KNDC1: variants seen among roughly 807,000 people sequenced by gnomAD.
KNDC1 encodes the protein kinase non-catalytic C-lobe domain containing 1.
Under a neutral mutation model 172.8 loss-of-function variants are expected in KNDC1, and 106 were observed. That is an observed-to-expected ratio of 0.61 (90% CI 0.52 to 0.72). The LOEUF is 0.72. Ranked by LOEUF, KNDC1 falls within the 30% of genes least tolerant of loss-of-function variation. KNDC1 has a pLI of 0.00. For synonymous variants in KNDC1, 1,083 were observed against 1,062.2 expected, an observed-to-expected ratio of 1.02 and a Z score of -0.38; for missense variants, 2,325 against 2,394.5, an observed-to-expected ratio of 0.97 and a Z score of 0.61.
chr10:133,213,219 G>A (rs912346609), intron 24 of KNDC1, among the ~76,000 whole-genome samples: 5 of 152,236 alleles, frequency 3.3e-5, no homozygotes, highest in Admixed American at 6.5e-5. Flanking sequence ...CCTGAGGGCC[G>A]CATGGGGCGC....
At position 133,198,918 on chromosome 10, in the gene KNDC1, C is replaced by T. The variant is rs1018223815; in HGVS notation, c.2410C>T (p.Pro804Ser). ...VEQGPAEPIP[P>S]GVASGGLRPD... is the part of the protein sequence containing the mutation. ...GCAAGGGCCGGCTGAGCCGATCCCA[C>T]CTGGAGTTGCTTCCGGGGGCCTCAG... Residue 804 changes from proline to serine, a missense_variant, in exon 14 of 30, where the codon CCT (proline) becomes TCT (serine). Physicochemically the swap from Pro to Ser is moderately conservative, Grantham distance 74. Coordinates refer to ENST00000304613, the MANE Select transcript of KNDC1 (RefSeq NM_152643.8). 6.3e-7 allele frequency: 1 copy of T among 1,578,286 alleles called. No homozygotes were observed. The highest frequency in any genetic ancestry group is 8.6e-7 in the Non-Finnish European group (1 of 1,166,886).
In KNDC1 at chr10:133,199,072, G is replaced by A. The variant is rs1306928205; in HGVS notation, c.2564G>A (p.Arg855His). The change falls in exon 14 of 30, where the codon CGT becomes CAT. Residue 855 changes from arginine to histidine, a missense_variant. Transcript: ENST00000304613. ...EGPGATPAGE[R>H]DDQSPDSVPE... ...CCCGGGGCCACCCCTGCCGGGGAAC[G>A]TGATGACCAGAGTCCAGACAGTGTC... is the stretch of plus-strand genomic sequence containing the variant. The A allele has an allele frequency of 3.7e-6, 6 of 1,606,028 alleles. No individual in the cohort carries two copies. The highest frequency in any genetic ancestry group is 2.2e-5 in the East Asian group (1 of 44,514).
intron 3 of KNDC1, among the ~76,000 whole-genome samples, chr10:133,182,816 G>A (rs749956886): frequency 5.8e-4 from 88 of 152,234 alleles, no homozygotes; most frequent in Non-Finnish European, 1.1e-3. Context: ...GCCCAACTGC[G>A]CGGGCGGCGA....
chr10:133,210,354 G>A (rs1329574097), intron 20 of KNDC1, among the ~76,000 whole-genome samples: 4 of 110,164 alleles, frequency 3.6e-5, no homozygotes, highest in African/African-American at 1.0e-4. Context: ...CGACAAGAGC[G>A]AAACTCTGCC....
In KNDC1 at chr10:133,200,460, G is replaced by C; in HGVS notation, c.2989G>C (p.Gly997Arg). The stretch of plus-strand genomic sequence containing the variant: ...CAAGAGGCCGTCGCTGCACCGCCTG[G>C]GTAAGTGCTGGGCGGGCCCCGCGGC... ...SSKRPSLHRL[G>R]KEKPAMARTS... is the part of the protein sequence containing the mutation. The change falls in exon 16 of 30, where the codon GGA (glycine) becomes CGA (arginine). Residue 997 changes from glycine (G) to arginine (R), a missense_variant and splice_region_variant. Transcript: ENST00000304613. 1 of 1,569,432 alleles carries C rather than the reference G, an allele frequency of 6.4e-7. No individual in the cohort carries two copies. The highest frequency in any genetic ancestry group is 8.6e-7 in the Non-Finnish European group (1 of 1,159,498).
intron 6 of KNDC1, among the ~76,000 whole-genome samples, chr10:133,188,200 C>T (rs906760901): frequency 2.0e-5 from 3 of 152,184 alleles, no homozygotes; most frequent in Non-Finnish European, 4.4e-5. Context: ...TGCACGTATG[C>T]GTGAGCCCTG....
Position 133,199,015 on chromosome 10 carries a change from C to T in KNDC1, c.2507C>T (p.Ala836Val), listed in dbSNP as rs762617426. Residue 836 changes from alanine (A) to valine (V), a missense_variant, in exon 14 of 30, where the codon GCC becomes GTC. Coordinates refer to ENST00000304613, the MANE Select transcript of KNDC1 (RefSeq NM_152643.8). ...RHPPKPPRSKATERPGQEPEG... is the reference protein window; with the variant it reads ...RHPPKPPRSKVTERPGQEPEG... ...CCGCCCAAGCCCCCACGAAGCAAGG[C>T]CACCGAGCGCCCGGGCCAGGAGCCA... The T allele has an allele frequency of 3.2e-6, 5 of 1,565,612 alleles. No homozygotes were observed.
intron 3 of KNDC1, 113 bp from the exon 4 acceptor site, chr10:133,183,231 A>C: frequency 7.8e-7 from 1 of 1,282,858 alleles, no homozygotes; most frequent in East Asian, 2.6e-5. Flanking sequence ...GCTTCCCCTC[A>C]GGGGAATCTC....
At chr10:133,217,747 A>G (rs1490256890) in intron 26 of KNDC1, among the ~76,000 whole-genome samples, 1 of 152,064 alleles carries the variant, frequency 6.6e-6, no homozygotes, top group African/African-American at 2.4e-5. Context: ...TCATGAGGTC[A>G]GGAGTTCGAG....
At chr10:133,172,977 T>G (rs1268378870) in intron 3 of KNDC1, among the ~76,000 whole-genome samples, 2 of 152,210 alleles carry the variant, frequency 1.3e-5, no homozygotes, top group Non-Finnish European at 2.9e-5. Context: ...CACTCCAGCC[T>G]GAGCAGCAGA....
chr10:133,167,102 G>A (rs1853187555), intron 1 of KNDC1: 6 of 498,104 alleles, frequency 1.2e-5, no homozygotes, highest in East Asian at 3.5e-5. Context: ...AGCTCTGGCC[G>A]AGCCTCCGGG....
At chr10:133,183,519 G>T in intron 4 of KNDC1, 29 bp downstream of exon 4, 1 of 1,579,370 alleles carries the variant, frequency 6.3e-7, no homozygotes, top group Non-Finnish European at 8.6e-7. Context: ...GGCCACCCCA[G>T]GCTGTGACCC....
chr10:133,219,008 G>C (rs778360595), intron 27 of KNDC1, 23 bp from the exon 28 acceptor site: 2 of 1,613,894 alleles, frequency 1.2e-6, no homozygotes, highest in South Asian at 2.2e-5. Context: ...GCCGCAGGAG[G>C]CTCACCTGTG....
chr10:133,190,497 G>A (rs1854049143), intron 9 of KNDC1, among the ~76,000 whole-genome samples: 1 of 152,220 alleles, frequency 6.6e-6, no homozygotes, highest in African/African-American at 2.4e-5. Flanking sequence ...CCGGCGAGGG[G>A]CCTCTGGACC....
chr10:133,204,132 G>A (rs1490110745), intron 17 of KNDC1, among the ~76,000 whole-genome samples: 4 of 152,168 alleles, frequency 2.6e-5, no homozygotes, highest in Non-Finnish European at 5.9e-5. Context: ...AGGCCATGGG[G>A]GAACGTGGCC....
Position 133,186,141 on chromosome 10 carries a change from A to C in KNDC1, c.793A>C (p.Thr265Pro). ...CTCCCCAACCAAGGCTCTGCTGTCC[A>C]CCCCGGTGAGAAATGGCGAGAGCCA... ...RASPTKALLS[T>P]PVRNGESHSR... Residue 265 changes from threonine to proline, a missense_variant, in exon 6 of 30, where the codon ACC becomes CCC. Transcript: ENST00000304613. 6.3e-7 allele frequency: 1 copy of C among 1,590,402 alleles called. No homozygotes were observed. The highest frequency in any genetic ancestry group is 8.6e-7 in the Non-Finnish European group (1 of 1,168,972).
At chr10:133,222,332 C>G (rs183003243) in intron 29 of KNDC1, among the ~76,000 whole-genome samples, 1 of 152,240 alleles carries the variant, frequency 6.6e-6, no homozygotes. Flanking sequence ...AGAAAACAAG[C>G]CAAGAGTGGC....
chr10:133,177,690 G>A (rs541490214), intron 3 of KNDC1, among the ~76,000 whole-genome samples: 2 of 152,282 alleles, frequency 1.3e-5, no homozygotes, highest in South Asian at 2.1e-4. Flanking sequence ...GGGCACATGT[G>A]TGTAATGTGT....
In KNDC1 at chr10:133,211,477, G is replaced by A. The variant is rs559717203; in HGVS notation, c.3964G>A (p.Val1322Ile). The change falls in exon 22 of 30, where the codon GTC becomes ATC. Residue 1322 changes from valine to isoleucine, a missense_variant. Transcript: ENST00000304613. ...CAAGATCTACAGGCGGAGCCTCTGC[G>A]TCCTGCAGGCCTGGGTGGAGGACTG... ...FTKIYRRSLC[V>I]LQAWVEDCYA... The A allele has an allele frequency of 6.9e-5, 112 of 1,613,954 alleles. No individual in the cohort carries two copies. Among genetic ancestry groups the A allele is most frequent in the South Asian group, 6.1e-4 (56 of 91,086 alleles).
Sources: gnomAD v4.1 joint callset for allele counts (sites outside exome capture counted in the v4.1 genomes callset) on GRCh38, gnomAD v4.1.1 for gene constraint, MANE v1.5 for transcripts, NCBI Gene and HGNC (gene_info 2026-07-23, HGNC 2026-07-21) for gene names.